Variants in DENND5B observed in about 807,000 individuals in gnomAD.
The protein encoded by DENND5B is DENN domain containing 5B, also known as DENN domain-containing protein 5B.
A neutral mutation model predicts 140.6 loss-of-function variants in DENND5B; 34 were observed. The ratio of observed to expected loss-of-function variants is 0.24; its 90% confidence interval spans 0.18 to 0.32. The LOEUF is 0.32. Ranked by LOEUF, DENND5B falls within the 10% of genes least tolerant of loss-of-function variation. DENND5B has a pLI of 1.00. For missense variants in DENND5B, 1,142 were observed against 1,560.2 expected, an observed-to-expected ratio of 0.73 and a Z score of 4.52; for synonymous variants, 551 against 562.1, an observed-to-expected ratio of 0.98 and a Z score of 0.28.
intron 1 of DENND5B, among the ~76,000 whole-genome samples, chr12:31,536,116 G>C (rs1948484954): frequency 6.6e-6 from 1 of 152,134 alleles, no homozygotes; most frequent in African/African-American, 2.4e-5. Context: ...ATGATTCTAA[G>C]TTTCCTGAGG....
At chr12:31,473,480 G>A (rs1371045292) in intron 3 of DENND5B, among the ~76,000 whole-genome samples, 1 of 152,184 alleles carries the variant, frequency 6.6e-6, no homozygotes, top group East Asian at 1.9e-4. Context: ...CATGCTAAAT[G>A]GGAATGAATT....
intron 3 of DENND5B, among the ~76,000 whole-genome samples, chr12:31,474,348 T>C (rs1945694613): frequency 6.6e-6 from 1 of 152,188 alleles, no homozygotes; most frequent in African/African-American, 2.4e-5. Flanking sequence ...GAAAAAAGAA[T>C]CATACTCTGA....
chr12:31,399,962 A>G (rs1374919635), intron 15 of DENND5B, among the ~76,000 whole-genome samples, 190 bp from the exon 16 acceptor site: 1 of 152,242 alleles, frequency 6.6e-6, no homozygotes, highest in Non-Finnish European at 1.5e-5. Flanking sequence ...ATAATGAGAT[A>G]GGAGACATAT....
intron 1 of DENND5B, among the ~76,000 whole-genome samples, chr12:31,557,735 AAG>A (rs1351362877): frequency 2.0e-5 from 3 of 151,700 alleles, no homozygotes; most frequent in African/African-American, 7.3e-5. Context: ...GGAAAAGGAG[AAG>A]AGAGAAAAAG....
At chr12:31,476,334 A>G (rs1161148486) in intron 3 of DENND5B, among the ~76,000 whole-genome samples, 1 of 151,802 alleles carries the variant, frequency 6.6e-6, no homozygotes, top group Admixed American at 6.6e-5. Context: ...ACTTAGAGAT[A>G]AGTGTAATTT....
chr12:31,537,473 G>T (rs534930479), intron 1 of DENND5B, among the ~76,000 whole-genome samples: 6 of 151,838 alleles, frequency 4.0e-5, no homozygotes, highest in Admixed American at 2.6e-4. Context: ...CAACAGATAC[G>T]CTGAAAATAA....
chr12:31,581,686 T>A (rs1210080499), intron 1 of DENND5B, among the ~76,000 whole-genome samples: 3 of 111,052 alleles, frequency 2.7e-5, no homozygotes, highest in Non-Finnish European at 5.3e-5. Context: ...ACAGGGAAAC[T>A]CTGTCTCAAA....
chr12:31,455,062 C>T (rs1182338237), intron 4 of DENND5B, among the ~76,000 whole-genome samples: 6 of 151,952 alleles, frequency 3.9e-5, no homozygotes, highest in South Asian at 2.1e-4. Flanking sequence ...CCTTGTGATC[C>T]GCCCACCTTG....
At chr12:31,503,670 T>G (rs974758636) in intron 1 of DENND5B, among the ~76,000 whole-genome samples, 3 of 152,216 alleles carry the variant, frequency 2.0e-5, no homozygotes, top group Admixed American at 2.0e-4. Flanking sequence ...TATTTTCCCC[T>G]GATTAAGGCA....
intron 1 of DENND5B, among the ~76,000 whole-genome samples, chr12:31,529,622 C>T (rs988228641): frequency 4.6e-5 from 7 of 151,802 alleles, no homozygotes; most frequent in African/African-American, 7.3e-5. Flanking sequence ...CCCTGGAGTT[C>T]GAAACCAGCC....
chr12:31,433,559 C>T (rs1014824340), intron 7 of DENND5B, among the ~76,000 whole-genome samples: 4 of 151,988 alleles, frequency 2.6e-5, no homozygotes, highest in African/African-American at 4.8e-5. Flanking sequence ...AAATCTTAAC[C>T]GAGTTAGTCC....
At chr12:31,506,186 T>A (rs1200146737) in intron 1 of DENND5B, 1 of 152,080 alleles carries the variant, frequency 6.6e-6, no homozygotes, top group Non-Finnish European at 1.5e-5. Flanking sequence ...AAGCTTTGAG[T>A]TTTTAAGAGA....
chr12:31,393,002 C>T (rs708217), intron 17 of DENND5B, among the ~76,000 whole-genome samples: 28,152 of 152,162 alleles, frequency 0.19, 2,920 homozygotes, highest in Non-Finnish European at 0.25. Flanking sequence ...GAAAAATACA[C>T]GCCTCACTGG....
In DENND5B at chr12:31,471,818, T is replaced by C. The variant is rs561072162; in HGVS notation, c.904+7771A>G. On this transcript the variant is annotated intron_variant, in intron 3 of 20. Transcript: ENST00000389082. Reference sequence around the variant, plus strand: ...ATATGTGATCCAGACACAAAGGTGATGATTCAGTCAGAAATGAATTGAACT... The same window carrying C: ...ATATGTGATCCAGACACAAAGGTGACGATTCAGTCAGAAATGAATTGAACT... Among the ~76,000 whole-genome samples the C allele has an allele frequency of 3.3e-5, 5 of 152,286 alleles. No individual in the cohort carries two copies. In the East Asian group the frequency reaches 9.6e-4, roughly 29 times the overall value.
intron 1 of DENND5B, among the ~76,000 whole-genome samples, chr12:31,569,988 G>C (rs909392013): frequency 1.3e-5 from 2 of 151,988 alleles, no homozygotes; most frequent in Admixed American, 6.6e-5. Flanking sequence ...AAGGTCAGGA[G>C]ATCGAGACCA....
chr12:31,441,757 C>T lies in DENND5B; in HGVS notation c.2012+1018G>A, dbSNP rs539973679. Among the ~76,000 whole-genome samples the T allele has an allele frequency of 1.2e-3, 179 of 152,226 alleles. 2 individuals are homozygous for T. Among genetic ancestry groups the T allele is most frequent in the African/African-American group, 4.2e-3 (176 of 41,542 alleles). ...AGGTTGAAGGGCAGTAGTGCAATCA[C>T]GGCTCACCGTAGCCTCAACCTCCTG... On this transcript the variant is annotated intron_variant, in intron 7 of 20. Transcript: ENST00000389082.
chr12:31,584,685 G>A (rs1592099015), intron 1 of DENND5B, among the ~76,000 whole-genome samples: 1 of 152,038 alleles, frequency 6.6e-6, no homozygotes, highest in East Asian at 1.9e-4. Context: ...AAATTAGCCA[G>A]GCATGGTGGC....
intron 1 of DENND5B, among the ~76,000 whole-genome samples, chr12:31,575,123 G>C (rs946937279): frequency 1.3e-5 from 2 of 152,190 alleles, no homozygotes; most frequent in African/African-American, 4.8e-5. Context: ...TGAGACAGGA[G>C]ATAGGAAATA....
rs781140134 is a variant in DENND5B, at chr12:31,442,941, A to G, written c.1862-16T>C. On this transcript the variant is annotated splice_polypyrimidine_tract_variant and intron_variant, in intron 6 of 20. Transcript: ENST00000389082. Reference sequence around the variant, plus strand: ...ATTGATTGGGCTATAAATTAAATTTATAATAAATTAGAGACATTTCATTGC... The same window carrying G: ...ATTGATTGGGCTATAAATTAAATTTGTAATAAATTAGAGACATTTCATTGC... The G allele has an allele frequency of 3.2e-6, 5 of 1,546,074 alleles. No individual in the cohort carries two copies. The highest frequency in any genetic ancestry group is 2.4e-5 in the East Asian group (1 of 40,890).
Sources: gnomAD v4.1 joint callset for allele counts (sites outside exome capture counted in the v4.1 genomes callset) on GRCh38, gnomAD v4.1.1 for gene constraint, MANE v1.5 for transcripts, NCBI Gene and HGNC (gene_info 2026-07-23, HGNC 2026-07-21) for gene names.